Variants in SHANK2 observed in about 807,000 individuals in gnomAD.
The protein encoded by SHANK2 is SH3 and multiple ankyrin repeat domains 2.
A neutral mutation model predicts 133.7 loss-of-function variants in SHANK2; 43 were observed. The ratio of observed to expected loss-of-function variants is 0.32; its 90% CI spans 0.25 to 0.41. The LOEUF (loss-of-function observed/expected upper bound fraction) is 0.41, where lower values mean the gene tolerates loss of function less well. SHANK2 is among the 10% of genes least tolerant of loss of function. SHANK2 has a pLI of 1.00. For missense variants in SHANK2, 1,994 were observed against 2,235.8 expected (o/e 0.89, Z 2.18); for synonymous variants, 1,017 against 952.8 (o/e 1.07, Z -1.24).
chr11:70,823,437 T>C (rs1173446847), intron 11 of SHANK2, among the ~76,000 whole-genome samples: 3 of 86,750 alleles, frequency 3.5e-5, no homozygotes, highest in African/African-American at 4.5e-5. Flanking sequence ...AGAGGTGTCA[T>C]TGGCAGAGGT....
chr11:70,808,669 C>T (rs1222317821), intron 12 of SHANK2, among the ~76,000 whole-genome samples: 25 of 151,406 alleles, frequency 1.7e-4, no homozygotes, highest in African/African-American at 5.6e-4. Context: ...CAGGAGGTCG[C>T]GGCTGCAGTG....
intron 10 of SHANK2, chr11:70,942,880 C>T (rs1555084631): frequency 1.5e-5 from 7 of 456,498 alleles, no homozygotes; most frequent in African/African-American, 2.0e-5. Flanking sequence ...TGTTCACTTA[C>T]ATTTGTTACT....
intron 12 of SHANK2, among the ~76,000 whole-genome samples, chr11:70,814,103 C>G (rs926641576): frequency 6.6e-5 from 10 of 152,178 alleles, no homozygotes; most frequent in Non-Finnish European, 1.3e-4. Context: ...GCAGCTGGAT[C>G]ACCTGACATC....
At chr11:71,182,783 T>A (rs781911822) in intron 2 of SHANK2, among the ~76,000 whole-genome samples, 1 of 152,304 alleles carries the variant, frequency 6.6e-6, no homozygotes, top group South Asian at 2.1e-4. Flanking sequence ...ATGGAAGATA[T>A]GGTGTTTCCC....
At position 70,473,830 on chromosome 11, in the gene SHANK2, G is replaced by C; in HGVS notation, c.4980-391C>G. ...GTGGCCACTGAGGCATTTGGAAGGG[G>C]TCCCTTGAAGAGGGCACGGAGACAG... On this transcript the variant is annotated intron_variant, in intron 25 of 25. Transcript: ENST00000601538. This position sits in a 1 kb window ranked among gnomAD's most constrained non-coding sequence, Gnocchi z 5.9. The C allele has an allele frequency of 2.9e-6, 1 of 348,838 alleles. No homozygotes were observed. Among genetic ancestry groups the C allele is most frequent in the Non-Finnish European group, 5.6e-6 (1 of 177,902 alleles). 21.6% of individuals were successfully genotyped at this position (348,838 alleles called of 1,614,324 possible).
intron 11 of SHANK2, among the ~76,000 whole-genome samples, chr11:70,823,451 AG>A (rs1948580170): frequency 1.3e-5 from 1 of 79,580 alleles, no homozygotes; most frequent in East Asian, 4.4e-4. Context: ...CAGAGGTCAT[AG>A]GGGACAGAGG....
intron 15 of SHANK2, among the ~76,000 whole-genome samples, chr11:70,695,177 C>T (rs898100673): frequency 6.6e-5 from 10 of 152,008 alleles, no homozygotes; most frequent in African/African-American, 2.2e-4. Flanking sequence ...GGGGAGTTTG[C>T]GTTAATGCAG....
At chr11:70,481,453 A>G (rs1385247553) in intron 25 of SHANK2, among the ~76,000 whole-genome samples, 1 of 152,226 alleles carries the variant, frequency 6.6e-6, no homozygotes, top group Non-Finnish European at 1.5e-5. Context: ...GTGAAAAGAA[A>G]GGAAGAATCC....
At chr11:70,611,702 T>C (rs1289715933) in intron 17 of SHANK2, among the ~76,000 whole-genome samples, 3 of 152,192 alleles carry the variant, frequency 2.0e-5, no homozygotes, top group African/African-American at 7.2e-5. Flanking sequence ...CAGGGCAAGA[T>C]GGGAGGGTGT....
At chr11:70,677,139 G>C (rs561052416) in intron 15 of SHANK2, among the ~76,000 whole-genome samples, 1 of 152,318 alleles carries the variant, frequency 6.6e-6, no homozygotes, top group Non-Finnish European at 1.5e-5. Flanking sequence ...CTTAGCAACG[G>C]AGTGGATCAG....
intron 25 of SHANK2, among the ~76,000 whole-genome samples, chr11:70,484,302 G>T (rs1252549883): frequency 6.6e-6 from 1 of 152,168 alleles, no homozygotes; most frequent in Non-Finnish European, 1.5e-5. Context: ...TCAGATCATG[G>T]TGGGGGAGTT....
At position 70,781,558 on chromosome 11, in the gene SHANK2, TTATATATATATA is replaced by T. The variant is rs1273792106; in HGVS notation, c.1777+16873_1777+16884del. Reference sequence around the variant, plus strand: ...AAGCAGCTTGCAATTTACTTACTTATTATATATATATATATATATATATATTTACTTATTTAT... The same window carrying T: ...AAGCAGCTTGCAATTTACTTACTTATTATATATATATATTTACTTATTTAT... On this transcript the variant is annotated intron_variant, in intron 14 of 25. Transcript: ENST00000601538. 2.8e-4 allele frequency among the ~76,000 whole-genome samples: 8 copies of T among 28,968 alleles called. No homozygotes were observed. In the East Asian group the frequency reaches 0.012, roughly 44 times the overall value. 19.0% of individuals were successfully genotyped at this position (28,968 alleles called of 152,430 possible).
intron 10 of SHANK2, among the ~76,000 whole-genome samples, chr11:70,918,058 A>G (rs1181407753): frequency 6.6e-6 from 1 of 152,010 alleles, no homozygotes; most frequent in Non-Finnish European, 1.5e-5. Flanking sequence ...TAAGGCCAAC[A>G]GATGAACATC....
chr11:70,842,481 C>T (rs1220345891), intron 11 of SHANK2, among the ~76,000 whole-genome samples: 1 of 152,216 alleles, frequency 6.6e-6, no homozygotes, highest in Non-Finnish European at 1.5e-5. Context: ...ACTGTCTCTC[C>T]ATGTGCAAAT....
intron 17 of SHANK2, among the ~76,000 whole-genome samples, chr11:70,560,832 T>C (rs1226755022): frequency 1.3e-5 from 2 of 152,042 alleles, no homozygotes; most frequent in African/African-American, 4.8e-5. Flanking sequence ...GGTTTCACCA[T>C]GTTGAACCAG....
At chr11:70,599,955 GAAAGAAAGAAA>G (rs2060468995) in intron 17 of SHANK2, among the ~76,000 whole-genome samples, 1 of 131,766 alleles carries the variant, frequency 7.6e-6, no homozygotes, top group African/African-American at 3.4e-5. Context: ...AAGAAAGAAA[GAAAGAAAGAAA>G]GAAAGAAAAT....
chr11:71,171,702 A>G (rs1648749111), intron 2 of SHANK2, among the ~76,000 whole-genome samples: 1 of 152,156 alleles, frequency 6.6e-6, no homozygotes, highest in South Asian at 2.1e-4. Flanking sequence ...CCCCTCCAGA[A>G]ACCCCACACA....
intron 14 of SHANK2, among the ~76,000 whole-genome samples, chr11:70,783,156 A>C (rs368134931): frequency 2.6e-5 from 4 of 152,232 alleles, no homozygotes; most frequent in East Asian, 1.9e-4. Context: ...TCGCACCCTC[A>C]TCTCTGACTG....
chr11:70,907,933 T>C lies in SHANK2; in HGVS notation c.1108-11366A>G, dbSNP rs371029299. ...TCTGGCCAACATAGCAAAACCCATC[T>C]CCACCAAAAATACAAAAACTAGCCA... On this transcript the variant is annotated intron_variant, in intron 10 of 25. Transcript: ENST00000601538. The C allele has an allele frequency of 6.2e-5, 28 of 450,758 alleles. 1 individual carries two copies. The highest frequency in any genetic ancestry group is 5.4e-4 in the African/African-American group (27 of 50,036). 27.9% of individuals were successfully genotyped at this position (450,758 alleles called of 1,614,324 possible). A position where few individuals can be genotyped will look rare whatever the true frequency, so the allele number is the denominator to read the frequency against.
Sources: gnomAD v4.1 joint callset for allele counts (sites outside exome capture counted in the v4.1 genomes callset) on GRCh38, gnomAD v4.1.1 for gene constraint, Gnocchi (gnomAD v3.1) non-coding constraint, MANE v1.5 for transcripts, NCBI Gene and HGNC (gene_info 2026-07-23, HGNC 2026-07-21) for gene names.